The following RLN2 variants were observed in gnomAD, a reference collection of about 807,000 sequenced individuals.
RLN2 encodes the protein relaxin 2.
In RLN2, 10 loss-of-function variants were observed where a neutral mutation model predicts 7.3. That is an observed-to-expected ratio of 1.36 (90% CI 0.84 to 2.31). RLN2 has a LOEUF of 2.31. Among genes scored for constraint, RLN2 ranks in the 30% most tolerant of loss-of-function variants. The pLI is 0.00. For missense variants in RLN2, 298 were observed against 217.6 expected (o/e 1.37, Z -2.32); for synonymous variants, 103 against 82.3 (o/e 1.25, Z -1.36).
chr9:5,330,930 C>T, the RLN2 span, among the ~76,000 whole-genome samples: 1 of 151,794 alleles, frequency 6.6e-6, no homozygotes, highest in African/African-American at 2.4e-5. Flanking sequence ...CCACTGATCC[C>T]ACAGAAATAC....
the RLN2 span, among the ~76,000 whole-genome samples, chr9:5,336,835 C>A: frequency 3.9e-5 from 6 of 152,028 alleles, no homozygotes; most frequent in Admixed American, 3.3e-4. Context: ...ACCTGGTTAA[C>A]CACTGATGCC....
chr9:5,329,323 A>C, the RLN2 span, among the ~76,000 whole-genome samples: 32 of 150,430 alleles, frequency 2.1e-4, no homozygotes, highest in East Asian at 5.2e-3. Flanking sequence ...AAAAAAAAAA[A>C]AAAAAAGAAA....
chr9:5,308,737 C>G (rs1316903736), upstream of RLN2, among the ~76,000 whole-genome samples: 1 of 152,100 alleles, frequency 6.6e-6, no homozygotes, highest in East Asian at 1.9e-4. Context: ...ATGGCCTGAC[C>G]ACAAGTTTCC....
chr9:5,327,653 G>A, the RLN2 span, among the ~76,000 whole-genome samples: 2 of 151,984 alleles, frequency 1.3e-5, no homozygotes, highest in African/African-American at 4.8e-5. Context: ...CCTCCCAGTA[G>A]GGGCTGACAG....
At chr9:5,339,120 C>T in the RLN2 span, 1 of 159,908 alleles carries the variant, frequency 6.3e-6, no homozygotes, top group Admixed American at 1.7e-4. Context: ...GTTCAGGTGC[C>T]CCCACCAGCA....
At chr9:5,305,398 CACACAG>C (rs762044015), upstream of RLN2, among the ~76,000 whole-genome samples, 817 of 138,198 alleles carry the variant, frequency 5.9e-3, 4 homozygotes, top group African/African-American at 0.019. Flanking sequence ...CACACACACA[CACACAG>C]AGAGAGAGAG....
upstream of RLN2, among the ~76,000 whole-genome samples, chr9:5,309,205 G>T (rs781705289): frequency 1.3e-5 from 2 of 152,030 alleles, no homozygotes; most frequent in Non-Finnish European, 2.9e-5. Flanking sequence ...AGAGGAGCCA[G>T]TTCAGACTGT....
the RLN2 span, among the ~76,000 whole-genome samples, chr9:5,327,379 A>G: frequency 4.6e-5 from 7 of 151,988 alleles, no homozygotes; most frequent in Admixed American, 3.3e-4. Context: ...AGTAGCTCAC[A>G]GTGTAAACAA....
At chr9:5,330,406 A>T in the RLN2 span, among the ~76,000 whole-genome samples, 1 of 151,964 alleles carries the variant, frequency 6.6e-6, no homozygotes, top group African/African-American at 2.4e-5. Flanking sequence ...TGGGAGGCAG[A>T]GGAGGGCAGA....
At chr9:5,330,652 A>G in the RLN2 span, among the ~76,000 whole-genome samples, 1 of 149,996 alleles carries the variant, frequency 6.7e-6, no homozygotes, top group Non-Finnish European at 1.5e-5. Flanking sequence ...AAAAAAAAAA[A>G]AAAGAAAAAA....
At chr9:5,310,535 C>T in the RLN2 span, among the ~76,000 whole-genome samples, 4 of 152,050 alleles carry the variant, frequency 2.6e-5, no homozygotes, top group South Asian at 2.1e-4. Flanking sequence ...ATCCCCCAAT[C>T]GTGCATGGCT....
chr9:5,300,076 G>C lies in RLN2; in HGVS notation c.*22C>G. The C allele has an allele frequency of 1.4e-6, 2 of 1,420,996 alleles. No individual in the cohort carries two copies. The highest frequency in any genetic ancestry group is 2.0e-6 in the Non-Finnish European group (2 of 1,024,930). The allele number at this position is 1,420,996 out of a possible 1,614,324, so 88.0% of individuals were successfully genotyped here. ...AAGAATATGTGTGAATATTATACGA[G>C]ATGTGCACAATTAGCTTCATCTCAG... On this transcript the variant is annotated 3_prime_UTR_variant, in exon 2 of 2. Coordinates refer to ENST00000381627, the MANE Select transcript of RLN2 (RefSeq NM_134441.3).
the RLN2 span, among the ~76,000 whole-genome samples, chr9:5,326,764 T>C: frequency 1.2e-4 from 19 of 152,090 alleles, no homozygotes; most frequent in Non-Finnish European, 2.1e-4. Context: ...ATTAAGTCCT[T>C]AATGTTTTTT....
the RLN2 span, among the ~76,000 whole-genome samples, chr9:5,319,255 TA>T: frequency 6.6e-6 from 1 of 151,866 alleles, no homozygotes; most frequent in Admixed American, 6.6e-5. Flanking sequence ...TGGGAAGCAA[TA>T]CAGGAAGCCT....
chr9:5,300,494 G>C lies in RLN2; in HGVS notation c.212-50C>G, dbSNP rs772597224. The C allele has an allele frequency of 5.6e-6, 7 of 1,241,916 alleles. No homozygotes were observed. The South Asian group carries it at 7.1e-5, about 13-fold the overall frequency. The allele number at this position is 1,241,916 out of a possible 1,614,324, so 76.9% of individuals were successfully genotyped here. A position where few individuals can be genotyped will look rare whatever the true frequency, so the allele number is the denominator to read the frequency against. ...TATGTGAGGGTATATTCATGTCAAA[G>C]AGCACTCAGAAAAACTATGAATGTT... On this transcript the variant is annotated intron_variant, in intron 1 of 1. Transcript: ENST00000381627.
Position 5,300,259 on chromosome 9 carries a change from T to G in RLN2, c.397A>C (p.Ile133Leu). The G allele has an allele frequency of 6.2e-7, 1 of 1,614,068 alleles. No individual in the cohort carries two copies. Among genetic ancestry groups the G allele is most frequent in the Non-Finnish European group, 8.5e-7 (1 of 1,179,956 alleles). The change falls in exon 2 of 2, where the codon ATT (isoleucine) becomes CTT (leucine). Residue 133 changes from isoleucine (I) to leucine (L), a missense_variant. Coordinates refer to ENST00000381627, the MANE Select transcript of RLN2 (RefSeq NM_134441.3). ...GCGGCTTCACTTTGTCTATTGCGAATAAGTTTCTTAAATTCTTCAAAGAGA... is the reference window on the plus strand; with the variant it reads ...GCGGCTTCACTTTGTCTATTGCGAAGAAGTTTCTTAAATTCTTCAAAGAGA... ...SLLFEEFKKL[I>L]RNRQSEAADS... is the part of the protein sequence containing the mutation.
chr9:5,320,339 T>G, the RLN2 span, among the ~76,000 whole-genome samples: 2 of 151,866 alleles, frequency 1.3e-5, no homozygotes, highest in African/African-American at 2.4e-5. Flanking sequence ...CTCCAGTGAA[T>G]TTTGGACACT....
the RLN2 span, among the ~76,000 whole-genome samples, chr9:5,331,775 C>A: frequency 1.3e-5 from 2 of 151,908 alleles, no homozygotes; most frequent in Non-Finnish European, 2.9e-5. Flanking sequence ...GTGTAACAAA[C>A]CTGCACGTTG....
chr9:5,304,660 T>G lies in RLN2; in HGVS notation c.-80A>C. 2.1e-6 allele frequency: 3 copies of G among 1,419,718 alleles called. No homozygotes were observed. Among genetic ancestry groups the G allele is most frequent in the Non-Finnish European group, 3.0e-6 (3 of 1,010,666 alleles). 87.9% of individuals were successfully genotyped at this position (1,419,718 alleles called of 1,614,324 possible). ...CTGCTGTGGCCTACACACCTGGGCCTGTGTGCCTGTCCCGGGCTTTAGGCT... is the reference window on the plus strand; with the variant it reads ...CTGCTGTGGCCTACACACCTGGGCCGGTGTGCCTGTCCCGGGCTTTAGGCT... On this transcript the variant is annotated 5_prime_UTR_variant, in exon 1 of 2. Coordinates refer to ENST00000381627, the MANE Select transcript of RLN2 (RefSeq NM_134441.3).
Sources: gnomAD v4.1 joint callset for allele counts (sites outside exome capture counted in the v4.1 genomes callset) on GRCh38, gnomAD v4.1.1 for gene constraint, MANE v1.5 for transcripts, NCBI Gene and HGNC (gene_info 2026-07-23, HGNC 2026-07-21) for gene names.